Variants in ROBO1 observed in about 807,000 individuals in gnomAD.
ROBO1 encodes roundabout guidance receptor 1, also known as roundabout homolog 1.
In ROBO1, 149 loss-of-function variants were observed where a neutral mutation model predicts 195.9. The observed-to-expected ratio is 0.76, with a 90% CI of 0.67 to 0.87. ROBO1 has a LOEUF of 0.87. Among genes scored for constraint, ROBO1 ranks in the 40% least tolerant of loss-of-function variants. The pLI is 0.00. For synonymous variants in ROBO1, 816 were observed against 733.2 expected, an observed-to-expected ratio of 1.11 and a Z score of -1.82; for missense variants, 1,933 against 2,068.3, an observed-to-expected ratio of 0.93 and a Z score of 1.27.
At chr3:79,542,574 A>G (rs1942114032) in intron 2 of ROBO1, among the ~76,000 whole-genome samples, 2 of 152,114 alleles carry the variant, frequency 1.3e-5, no homozygotes, top group Non-Finnish European at 2.9e-5. Context: ...TTAAAAATAA[A>G]TAACAGTAGT....
intron 2 of ROBO1, among the ~76,000 whole-genome samples, chr3:79,425,860 C>T (rs554088138): frequency 5.9e-5 from 9 of 152,144 alleles, no homozygotes; most frequent in Admixed American, 1.3e-4. Context: ...GGATTTCACA[C>T]GCTCTCACTT....
intron 4 of ROBO1, among the ~76,000 whole-genome samples, chr3:78,758,615 C>G (rs2083007346): frequency 6.9e-6 from 1 of 144,568 alleles, no homozygotes; most frequent in African/African-American, 2.6e-5. Flanking sequence ...TCAATAAAAA[C>G]AAATACTACT....
chr3:79,765,446 G>A (rs1348836245), intron 1 of ROBO1, among the ~76,000 whole-genome samples: 1 of 152,076 alleles, frequency 6.6e-6, no homozygotes, highest in Non-Finnish European at 1.5e-5. Flanking sequence ...TACCAACACT[G>A]CCTCTTCCCT....
rs938876516 is a variant in ROBO1, at chr3:78,597,656, G to A, written c.*1257C>T. The A allele has an allele frequency of 6.6e-6, 1 of 152,156 alleles. No homozygotes were observed. Among genetic ancestry groups the A allele is most frequent in the Non-Finnish European group, 1.5e-5 (1 of 67,966 alleles). The allele number at this position is 152,156 out of a possible 1,614,324, so 9.4% of individuals were successfully genotyped here. A position where few individuals can be genotyped will look rare whatever the true frequency, so the allele number is the denominator to read the frequency against. ...CATTTGTCAATTGAAAGCAAGTAAT[G>A]CCTCTATTAGAGATTTTAAGGAAAT... On this transcript the variant is annotated 3_prime_UTR_variant, in exon 31 of 31. Coordinates refer to ENST00000464233, the MANE Select transcript of ROBO1 (RefSeq NM_002941.4).
intron 2 of ROBO1, among the ~76,000 whole-genome samples, chr3:79,136,556 T>C (rs1425353247): frequency 6.6e-6 from 1 of 152,064 alleles, no homozygotes; most frequent in Non-Finnish European, 1.5e-5. Context: ...TTCCTACTAA[T>C]CAAGAGGAAT....
intron 2 of ROBO1, among the ~76,000 whole-genome samples, chr3:79,247,105 A>C (rs999433746): frequency 6.6e-6 from 1 of 150,558 alleles, no homozygotes; most frequent in African/African-American, 2.5e-5. Context: ...GTTCTGGAGA[A>C]AAGCATTAAG....
chr3:79,511,990 T>C (rs1432481603), intron 2 of ROBO1, among the ~76,000 whole-genome samples: 1 of 152,124 alleles, frequency 6.6e-6, no homozygotes, highest in Non-Finnish European at 1.5e-5. Context: ...TATACCTGGA[T>C]GATGAAATAA....
At chr3:79,440,979 A>T (rs1418475809) in intron 2 of ROBO1, among the ~76,000 whole-genome samples, 2 of 152,168 alleles carry the variant, frequency 1.3e-5, no homozygotes, top group Non-Finnish European at 2.9e-5. Flanking sequence ...TAAATAAAAA[A>T]ACATTAATAT....
intron 4 of ROBO1, among the ~76,000 whole-genome samples, chr3:78,846,465 AC>A (rs1454044214): frequency 6.6e-6 from 1 of 152,158 alleles, no homozygotes; most frequent in African/African-American, 2.4e-5. Context: ...AAGCCTTCTC[AC>A]CAGTAAAGAT....
At chr3:79,559,139 C>T (rs117687838) in intron 2 of ROBO1, among the ~76,000 whole-genome samples, 1 of 152,134 alleles carries the variant, frequency 6.6e-6, no homozygotes, top group South Asian at 2.1e-4. Flanking sequence ...TCACACCATG[C>T]TGAAATAAAG....
Position 79,070,100 on chromosome 3 carries a change from G to A in ROBO1, c.172+55356C>T, listed in dbSNP as rs1033234485. Among the ~76,000 whole-genome samples, 5 of 151,502 alleles carry A rather than the reference G, an allele frequency of 3.3e-5. No homozygotes were observed. The East Asian group carries it at 7.8e-4, about 24-fold the overall frequency. ...TTAAAAGATGTATATCTGATTTAAC[G>A]AAGTCTTAACTAAACAATATCTCTG... is the stretch of plus-strand genomic sequence containing the variant. On this transcript the variant is annotated intron_variant, in intron 3 of 30. Coordinates refer to ENST00000464233, the MANE Select transcript of ROBO1 (RefSeq NM_002941.4).
intron 10 of ROBO1, 114 bp from the exon 11 acceptor site, chr3:78,670,415 T>A: frequency 1.2e-6 from 1 of 831,266 alleles, no homozygotes. Flanking sequence ...ATTAAACAAG[T>A]AATTAAAGTA....
At chr3:79,270,690 C>G (rs571590647) in intron 2 of ROBO1, among the ~76,000 whole-genome samples, 1 of 151,878 alleles carries the variant, frequency 6.6e-6, no homozygotes, top group South Asian at 2.1e-4. Flanking sequence ...AAAAATCTTC[C>G]AGTCATATTC....
chr3:78,834,558 C>T (rs2032526801), intron 4 of ROBO1, among the ~76,000 whole-genome samples: 1 of 151,544 alleles, frequency 6.6e-6, no homozygotes. Flanking sequence ...AATATGTATT[C>T]ATTTCATCAT....
chr3:78,868,194 G>A (rs1559942872), intron 4 of ROBO1, among the ~76,000 whole-genome samples: 1 of 152,122 alleles, frequency 6.6e-6, no homozygotes, highest in African/African-American at 2.4e-5. Flanking sequence ...CTGCCAAGAT[G>A]TGATAATACC....
chr3:79,366,729 A>G (rs1326269770), intron 2 of ROBO1, among the ~76,000 whole-genome samples: 4 of 152,162 alleles, frequency 2.6e-5, no homozygotes, highest in South Asian at 2.1e-4. Context: ...ACATTTGCCA[A>G]TGATGTTTGC....
chr3:79,232,368 G>T (rs1033627577), intron 2 of ROBO1, among the ~76,000 whole-genome samples: 2 of 146,438 alleles, frequency 1.4e-5, no homozygotes, highest in Non-Finnish European at 3.0e-5. Context: ...GGAAATATGA[G>T]AAAAAAATAA....
intron 8 of ROBO1, chr3:78,692,789 A>G (rs1162084562): frequency 1.3e-5 from 2 of 152,142 alleles, no homozygotes; most frequent in Non-Finnish European, 2.9e-5. Flanking sequence ...GCTTTGATAA[A>G]CTTTGGACAT....
chr3:78,948,321 C>A (rs1303994205), intron 3 of ROBO1, among the ~76,000 whole-genome samples: 1 of 152,170 alleles, frequency 6.6e-6, no homozygotes, highest in Non-Finnish European at 1.5e-5. Context: ...CCACCATGAT[C>A]AAGTGGGCTT....
Sources: allele counts gnomAD v4.1 joint callset (sites outside exome capture counted in the v4.1 genomes callset), GRCh38; gene constraint gnomAD v4.1.1; transcripts MANE v1.5; gene names NCBI Gene and HGNC (gene_info 2026-07-23, HGNC 2026-07-21).